MME: variants seen among roughly 807,000 people sequenced by gnomAD.
MME encodes membrane metalloendopeptidase.
MME carries 98 observed loss-of-function variants against 113.2 expected under a neutral mutation model. The observed-to-expected ratio is 0.87, with a 90% CI of 0.74 to 1.02. The LOEUF is 1.02. Ranked by LOEUF, MME falls within the 50% of genes least tolerant of loss-of-function variation. The probability of loss-of-function intolerance (pLI) is 0.00; values close to 1 mark genes in which losing one functional copy is unlikely to be tolerated. For missense variants in MME, 836 were observed against 896.0 expected, an observed-to-expected ratio of 0.93 and a Z score of 0.86; for synonymous variants, 292 against 300.6, an observed-to-expected ratio of 0.97 and a Z score of 0.30.
intron 16 of MME, among the ~76,000 whole-genome samples, chr3:155,159,305 G>C (rs1211408294): frequency 6.6e-6 from 1 of 152,072 alleles, no homozygotes; most frequent in South Asian, 2.1e-4. Context: ...CTGTGAGTAG[G>C]ATAATTGTCA....
upstream of MME, among the ~76,000 whole-genome samples, chr3:155,078,014 G>A (rs1559901563): frequency 6.6e-6 from 1 of 150,942 alleles, no homozygotes; most frequent in Non-Finnish European, 1.5e-5. Context: ...AGACCAGCCT[G>A]GCCAATATGG....
chr3:155,180,714 A>G lies in MME; in HGVS notation c.*255A>G, dbSNP rs1351781496. 1 of 445,368 alleles carries G rather than the reference A, an allele frequency of 2.2e-6. No individual in the cohort carries two copies. Among genetic ancestry groups the G allele is most frequent in the African/African-American group, 2.0e-5 (1 of 49,980 alleles). The allele number at this position is 445,368 out of a possible 1,614,324, so 27.6% of individuals were successfully genotyped here. ...ATGCTTAATTTCTAAAGATAATATT[A>G]CTGTTTATTTCTGTTTCTCATATGG... is the stretch of plus-strand genomic sequence containing the variant. On this transcript the variant is annotated 3_prime_UTR_variant, in exon 23 of 23. Transcript: ENST00000360490.
rs781633297 is a variant in MME, at chr3:155,119,410, C to CT, written c.720+618dup. Among the ~76,000 whole-genome samples, 1,039 of 112,286 alleles carry CT rather than the reference C, an allele frequency of 9.3e-3. 16 individuals carry two copies. Among genetic ancestry groups the CT allele is most frequent in the African/African-American group, 0.022 (698 of 31,322 alleles). 73.7% of individuals were successfully genotyped at this position (112,286 alleles called of 152,430 possible). A position where few individuals can be genotyped will look rare whatever the true frequency, so the allele number is the denominator to read the frequency against. Reference sequence around the variant, plus strand: ...TCCCTTGGGCTGATGTTCACGTGCTCTTTTTTTTTTTTTTTTTTTATTATA... The same window carrying CT: ...TCCCTTGGGCTGATGTTCACGTGCTCTTTTTTTTTTTTTTTTTTTTATTATA... On this transcript the variant is annotated intron_variant, in intron 8 of 22. Transcript: ENST00000360490.
chr3:155,081,227 A>G (rs1219134990), intron 1 of MME: 1 of 152,226 alleles, frequency 6.6e-6, no homozygotes, highest in Non-Finnish European at 1.5e-5. Flanking sequence ...TATAATGTGC[A>G]GTGAAGATGA....
intron 1 of MME, among the ~76,000 whole-genome samples, chr3:155,083,247 C>G (rs991556240): frequency 3.9e-5 from 6 of 152,130 alleles, no homozygotes; most frequent in African/African-American, 1.4e-4. Flanking sequence ...TAGTCTTGAA[C>G]ACGTTGCCTG....
intron 1 of MME, among the ~76,000 whole-genome samples, chr3:155,038,684 A>T (rs1039619679): frequency 1.3e-5 from 2 of 152,226 alleles, no homozygotes; most frequent in African/African-American, 4.8e-5. Context: ...CCCTGTGTAC[A>T]CTATGCACAA....
In MME at chr3:155,183,513, A is replaced by C. The variant is rs894906325; in HGVS notation, c.*3054A>C. 1 of 152,212 alleles carries C rather than the reference A, an allele frequency of 6.6e-6. No homozygotes were observed. Among genetic ancestry groups the C allele is most frequent in the African/African-American group, 2.4e-5 (1 of 41,466 alleles). The allele number at this position is 152,212 out of a possible 1,614,324, so 9.4% of individuals were successfully genotyped here. A position where few individuals can be genotyped will look rare whatever the true frequency, so the allele number is the denominator to read the frequency against. On this transcript the variant is annotated 3_prime_UTR_variant, in exon 23 of 23. Coordinates refer to ENST00000360490, the MANE Select transcript of MME (RefSeq NM_007289.4). The stretch of plus-strand genomic sequence containing the variant: ...TGCTGCTGTTACTGTTAACCATTTA[A>C]GTGGGGCAAAACCTTGCTAATTTTC...
In MME at chr3:155,116,927, G is replaced by C; in HGVS notation, c.595G>C (p.Val199Leu). ...AQLNSKYGKK[V>L]LINLFVGTDD... ...ACTGAATTCTAAATATGGGAAAAAA[G>C]TCCTTATTAATTTGTTTGTTGGCAC... The change falls in exon 7 of 23, where the codon GTC becomes CTC. Residue 199 changes from valine (V) to leucine (L), a missense_variant. Physicochemically the swap from Val to Leu is conservative, Grantham distance 32. Coordinates refer to ENST00000360490, the MANE Select transcript of MME (RefSeq NM_007289.4). 1 of 1,612,440 alleles carries C rather than the reference G, an allele frequency of 6.2e-7. No individual in the cohort carries two copies. Among genetic ancestry groups the C allele is most frequent in the Non-Finnish European group, 8.5e-7 (1 of 1,178,864 alleles).
At chr3:155,053,650 C>A (rs1212111649) in intron 1 of MME, among the ~76,000 whole-genome samples, 2 of 152,146 alleles carry the variant, frequency 1.3e-5, no homozygotes, top group African/African-American at 2.4e-5. Context: ...CACTACCAGC[C>A]TGGACTGAAA....
chr3:155,048,227 C>T lies in MME; in HGVS notation c.-11+23903C>T, dbSNP rs189929289. ...TTTTCTCCTTCCTAAGAATTTCCCC[C>T]TAACTCACTTCAGCTTGTAAAGTCC... On this transcript the variant is annotated intron_variant, in intron 1 of 22. Coordinates refer to the MME transcript ENST00000492661. Among the ~76,000 whole-genome samples the T allele has an allele frequency of 2.8e-3, 432 of 152,262 alleles. 3 individuals are homozygous for T. Among genetic ancestry groups the T allele is most frequent in the African/African-American group, 1.0e-2 (415 of 41,568 alleles).
intron 3 of MME, among the ~76,000 whole-genome samples, chr3:155,102,837 C>G (rs886629624): frequency 6.6e-6 from 1 of 152,120 alleles, no homozygotes; most frequent in Admixed American, 6.5e-5. Context: ...CCCAGCATGC[C>G]GAAACCTTGA....
chr3:155,031,540 C>G (rs1316890219), intron 1 of MME, among the ~76,000 whole-genome samples: 1 of 152,132 alleles, frequency 6.6e-6, no homozygotes, highest in Non-Finnish European at 1.5e-5. Context: ...TAGGCAATCT[C>G]TTGTAAAGAA....
At chr3:155,117,152 G>A (rs543632407) in intron 7 of MME, among the ~76,000 whole-genome samples, 166 bp downstream of exon 7, 34 of 152,224 alleles carry the variant, frequency 2.2e-4, no homozygotes, top group African/African-American at 7.9e-4. Flanking sequence ...TTCCAATTTT[G>A]AAAGTATTTT....
intron 3 of MME, among the ~76,000 whole-genome samples, chr3:155,095,140 C>T (rs142246802): frequency 2.0e-5 from 3 of 152,322 alleles, no homozygotes; most frequent in Admixed American, 2.0e-4. Flanking sequence ...TCCATTCTTC[C>T]TGGGCACACA....
intron 8 of MME, among the ~76,000 whole-genome samples, chr3:155,132,923 C>T (rs1209967210): frequency 1.3e-5 from 2 of 149,928 alleles, no homozygotes; most frequent in African/African-American, 4.9e-5. Context: ...CATGGTGGCA[C>T]ATGCCTATAA....
chr3:155,072,831 A>G (rs1312183710), intron 1 of MME, among the ~76,000 whole-genome samples: 1 of 152,222 alleles, frequency 6.6e-6, no homozygotes, highest in Non-Finnish European at 1.5e-5. Context: ...TCTGGATAAT[A>G]TAAATGTTTT....
chr3:155,090,565 T>C (rs563189805), intron 3 of MME: 1 of 152,322 alleles, frequency 6.6e-6, no homozygotes, highest in African/African-American at 2.4e-5. Context: ...TAGGGTTACT[T>C]GAACACAAAC....
intron 13 of MME, among the ~76,000 whole-genome samples, chr3:155,143,950 G>T (rs1372338969): frequency 9.2e-5 from 14 of 152,094 alleles, no homozygotes; most frequent in Admixed American, 9.2e-4. Context: ...TATAAGAAAT[G>T]TGCTTTATTT....
intron 1 of MME, among the ~76,000 whole-genome samples, chr3:155,042,732 C>A (rs1174446758): frequency 1.3e-5 from 2 of 151,438 alleles, no homozygotes; most frequent in Non-Finnish European, 2.9e-5. Context: ...TTTGCTTTCA[C>A]TGACTTTATT....
Sources: allele counts gnomAD v4.1 joint callset (sites outside exome capture counted in the v4.1 genomes callset), GRCh38; gene constraint gnomAD v4.1.1; transcripts MANE v1.5; gene names NCBI Gene and HGNC (gene_info 2026-07-23, HGNC 2026-07-21).